The following AFAP1L1 variants were observed in gnomAD, a reference collection of about 807,000 sequenced individuals.
AFAP1L1 encodes the protein actin filament associated protein 1 like 1.
AFAP1L1 carries 77 observed loss-of-function variants against 99.8 expected under a neutral mutation model. The observed-to-expected ratio is 0.77, with a 90% CI of 0.64 to 0.93. The LOEUF (loss-of-function observed/expected upper bound fraction) is 0.93, where lower values mean the gene tolerates loss of function less well. Among genes scored for constraint, AFAP1L1 ranks in the 40% least tolerant of loss-of-function variants. AFAP1L1 has a pLI of 0.00. For synonymous variants in AFAP1L1, 373 were observed against 395.3 expected (o/e 0.94, Z 0.67); for missense variants, 893 against 996.8 (o/e 0.90, Z 1.40).
Position 149,335,577 on chromosome 5 carries a change from T to C in AFAP1L1, c.2155-17T>C. 6.2e-7 allele frequency: 1 copy of C among 1,611,806 alleles called. No homozygotes were observed. Among genetic ancestry groups the C allele is most frequent in the Non-Finnish European group, 8.5e-7 (1 of 1,179,826 alleles). On this transcript the variant is annotated splice_polypyrimidine_tract_variant and intron_variant, in intron 17 of 18. Transcript: ENST00000296721. ...TCACCAGATCTCACCTATATAATTA[T>C]TTATTGCCATCAACAGGAAACTGCA...
At chr5:149,294,000 A>G (rs1248737288) in intron 1 of AFAP1L1, among the ~76,000 whole-genome samples, 1 of 152,152 alleles carries the variant, frequency 6.6e-6, no homozygotes, top group Non-Finnish European at 1.5e-5. Flanking sequence ...GCTATTTGTA[A>G]TCTTCAGGGG....
chr5:149,299,238 A>AAATGG (rs1756109173), intron 1 of AFAP1L1, among the ~76,000 whole-genome samples: 1 of 152,208 alleles, frequency 6.6e-6, no homozygotes, highest in Non-Finnish European at 1.5e-5. Context: ...CAGGGTTGCC[A>AAATGG]GATGAGCCCA....
intron 1 of AFAP1L1, among the ~76,000 whole-genome samples, chr5:149,296,049 T>C (rs1032237791): frequency 2.6e-5 from 4 of 152,230 alleles, no homozygotes; most frequent in Admixed American, 2.0e-4. Flanking sequence ...AACAATTTTT[T>C]TTAAGAACGG....
chr5:149,291,524 C>CAAAAAAAAAAA (rs1229134807), intron 1 of AFAP1L1, among the ~76,000 whole-genome samples: 6 of 13,388 alleles, frequency 4.5e-4, no homozygotes, highest in African/African-American at 9.1e-4. Context: ...GACTCCGTCT[C>CAAAAAAAAAAA]AAAAAAAAAA....
At chr5:149,324,432 C>T (rs979688861) in intron 15 of AFAP1L1, among the ~76,000 whole-genome samples, 7 of 152,170 alleles carry the variant, frequency 4.6e-5, no homozygotes, top group Admixed American at 1.3e-4. Context: ...CCTCCAAGTG[C>T]CATCTCGAAG....
At chr5:149,307,818 T>TTCTCTCTCTGTCTCTCTCTC (rs557717575) in intron 7 of AFAP1L1, among the ~76,000 whole-genome samples, 11 of 100,566 alleles carry the variant, frequency 1.1e-4, no homozygotes, top group Admixed American at 2.5e-4. Context: ...GTGCCTCTCT[T>TTCTCTCTCTGTCTCTCTCTC]TCTCTCTCTC....
intron 4 of AFAP1L1, among the ~76,000 whole-genome samples, chr5:149,301,819 A>C (rs1756226111): frequency 6.6e-6 from 1 of 152,254 alleles, no homozygotes; most frequent in East Asian, 1.9e-4. Context: ...CATCACCAGC[A>C]ACAGTACCAG....
intron 16 of AFAP1L1, 92 bp downstream of exon 16, chr5:149,329,922 T>C: frequency 8.2e-7 from 1 of 1,220,410 alleles, no homozygotes; most frequent in Non-Finnish European, 1.1e-6. Context: ...GTCACCTGGT[T>C]TCTTACCCAA....
At position 149,341,454 on chromosome 5, in the gene AFAP1L1, T is replaced by C. The variant is rs538996503; in HGVS notation, c.*1424T>C. The C allele has an allele frequency of 5.5e-4, 84 of 152,338 alleles. No individual in the cohort carries two copies. Among genetic ancestry groups the C allele is most frequent in the African/African-American group, 1.9e-3 (81 of 41,590 alleles). 9.4% of individuals were successfully genotyped at this position (152,338 alleles called of 1,614,324 possible). A position where few individuals can be genotyped will look rare whatever the true frequency, so the allele number is the denominator to read the frequency against. The stretch of plus-strand genomic sequence containing the variant: ...GGGTGACCTTGGGAAAGTCACTTGA[T>C]TGCTCTGATTCTTGTTTTCCTTATC... On this transcript the variant is annotated 3_prime_UTR_variant, in exon 19 of 19. Transcript: ENST00000296721.
intron 1 of AFAP1L1, 30 bp downstream of exon 1, chr5:149,272,014 T>G: frequency 1.6e-6 from 2 of 1,228,148 alleles, no homozygotes; most frequent in Non-Finnish European, 2.0e-6. Flanking sequence ...CCGCACTTGT[T>G]GCGGCGCCGG....
chr5:149,307,818 TTCTCTCTCTC>T (rs70973517), intron 7 of AFAP1L1, among the ~76,000 whole-genome samples: 6,018 of 100,624 alleles, frequency 0.06, 198 homozygotes, highest in Middle Eastern at 0.099. Flanking sequence ...GTGCCTCTCT[TTCTCTCTCTC>T]TCTCTCTCTC....
Position 149,307,580 on chromosome 5 carries a change from G to A in AFAP1L1, c.714G>A (p.Lys238=), listed in dbSNP as rs1156808155. The A allele has an allele frequency of 1.9e-6, 3 of 1,612,936 alleles. No homozygotes were observed. Among genetic ancestry groups the A allele is most frequent in the East Asian group, 4.5e-5 (2 of 44,866 alleles). Residue 238 remains lysine, a synonymous_variant, in exon 7 of 19, where the codon AAG becomes AAA. Transcript: ENST00000296721. Reference sequence around the variant, plus strand: ...AAAAGCGTTTCGGGCAGTGGGCCAAGCAGCTGACGGTCATCAGGGAGGACC... The same window carrying A: ...AAAAGCGTTTCGGGCAGTGGGCCAAACAGCTGACGGTCATCAGGGAGGACC... ...LRKKRFGQWA[K]QLTVIREDQL...
chr5:149,303,139 T>G (rs1174838172), intron 5 of AFAP1L1, among the ~76,000 whole-genome samples: 1 of 152,202 alleles, frequency 6.6e-6, no homozygotes, highest in African/African-American at 2.4e-5. Flanking sequence ...GTGAATGTTT[T>G]GTAGCATTTA....
intron 1 of AFAP1L1, among the ~76,000 whole-genome samples, chr5:149,289,721 A>G (rs1755792824): frequency 1.3e-5 from 2 of 152,216 alleles, no homozygotes; most frequent in African/African-American, 4.8e-5. Flanking sequence ...GGGCAGGGGA[A>G]GGAGAGATTT....
chr5:149,329,625 G>A (rs780767074), intron 15 of AFAP1L1, 41 bp from the exon 16 acceptor site: 11 of 1,574,530 alleles, frequency 7.0e-6, no homozygotes, highest in Admixed American at 5.7e-5. Flanking sequence ...CTTTGCCAGA[G>A]GTCAGAACTG....
At chr5:149,324,339 T>A (rs1281588471) in intron 15 of AFAP1L1, among the ~76,000 whole-genome samples, 2 of 150,286 alleles carry the variant, frequency 1.3e-5, no homozygotes, top group African/African-American at 4.9e-5. Context: ...ATCTTTTTGC[T>A]CCCTGGGGTC....
At chr5:149,318,074 G>A (rs1205145313) in intron 12 of AFAP1L1, 134 bp downstream of exon 12, 5 of 1,024,066 alleles carry the variant, frequency 4.9e-6, no homozygotes, top group Non-Finnish European at 7.0e-6. Flanking sequence ...CCTCACTCCT[G>A]TCAGGTGACC....
At chr5:149,291,251 C>T (rs1755843446) in intron 1 of AFAP1L1, among the ~76,000 whole-genome samples, 1 of 151,956 alleles carries the variant, frequency 6.6e-6, no homozygotes, top group Non-Finnish European at 1.5e-5. Context: ...CTGGAAAAGC[C>T]TACAGGGTGC....
Position 149,329,576 on chromosome 5 carries a change from A to G in AFAP1L1, c.1811-90A>G, listed in dbSNP as rs1561684509. ...AAATATTTCCATTTCATAGATGGAGAAGTTGGGGCTGAAAGAGAAGCTGAC... is the reference window on the plus strand; with the variant it reads ...AAATATTTCCATTTCATAGATGGAGGAGTTGGGGCTGAAAGAGAAGCTGAC... On this transcript the variant is annotated intron_variant, in intron 15 of 18. Coordinates refer to ENST00000296721, the MANE Select transcript of AFAP1L1 (RefSeq NM_152406.4). 6 of 1,259,710 alleles carry G rather than the reference A, an allele frequency of 4.8e-6. No homozygotes were observed. In the East Asian group the frequency reaches 1.5e-4, roughly 31 times the overall value. The allele number at this position is 1,259,710 out of a possible 1,614,324, so 78.0% of individuals were successfully genotyped here. A position where few individuals can be genotyped will look rare whatever the true frequency, so the allele number is the denominator to read the frequency against.
Sources: gnomAD v4.1 joint callset for allele counts (sites outside exome capture counted in the v4.1 genomes callset) on GRCh38, gnomAD v4.1.1 for gene constraint, MANE v1.5 for transcripts, NCBI Gene and HGNC (gene_info 2026-07-23, HGNC 2026-07-21) for gene names.